The following CYTH1 variants were observed in gnomAD, a reference collection of about 807,000 sequenced individuals.
CYTH1 encodes cytohesin-1.
CYTH1 carries 18 observed loss-of-function variants against 61.8 expected under a neutral mutation model. The ratio of observed to expected loss-of-function variants is 0.29; its 90% CI spans 0.20 to 0.43. The LOEUF (loss-of-function observed/expected upper bound fraction) is 0.43, where lower values mean the gene tolerates loss of function less well. Among genes scored for constraint, CYTH1 ranks in the 20% least tolerant of loss-of-function variants. The pLI is 1.00. For synonymous variants in CYTH1, 174 were observed against 184.3 expected (o/e 0.94, Z 0.45); for missense variants, 336 against 510.5 (o/e 0.66, Z 3.29).
intron 10 of CYTH1, among the ~76,000 whole-genome samples, chr17:78,693,977 G>A (rs776153203): frequency 3.9e-5 from 6 of 152,158 alleles, no homozygotes; most frequent in Non-Finnish European, 8.8e-5. Context: ...TCATACCTCC[G>A]ATCATGCTTT....
chr17:78,711,304 T>TAAATAAATA (rs1567852045), intron 1 of CYTH1, among the ~76,000 whole-genome samples: 44 of 54,788 alleles, frequency 8.0e-4, no homozygotes, highest in African/African-American at 1.8e-3. Flanking sequence ...AAATAAATAA[T>TAAATAAATA]ATATATATAT....
At chr17:78,727,312 G>GT (rs200526024) in intron 1 of CYTH1, among the ~76,000 whole-genome samples, 3,230 of 152,042 alleles carry the variant, frequency 0.021, 68 homozygotes, top group Middle Eastern at 0.044. Flanking sequence ...GAGGCCTGGG[G>GT]TTTTTTTTAC....
intron 1 of CYTH1, among the ~76,000 whole-genome samples, chr17:78,760,267 G>A: frequency 6.7e-6 from 1 of 149,168 alleles, no homozygotes; most frequent in East Asian, 2.0e-4. Context: ...TACAAATTTA[G>A]ACATATAAAG....
At chr17:78,716,484 C>T (rs2093181814) in intron 1 of CYTH1, among the ~76,000 whole-genome samples, 1 of 152,146 alleles carries the variant, frequency 6.6e-6, no homozygotes, top group Non-Finnish European at 1.5e-5. Flanking sequence ...TTATTTTGAT[C>T]CAATCTCCTG....
chr17:78,732,813 G>T (rs1407702732), intron 1 of CYTH1, among the ~76,000 whole-genome samples: 1 of 151,982 alleles, frequency 6.6e-6, no homozygotes, highest in African/African-American at 2.4e-5. Flanking sequence ...TAACCACCGG[G>T]CGCGGTGGCT....
In CYTH1 at chr17:78,760,409, GTATA is replaced by G. The variant is rs1237676249; in HGVS notation, c.22+21789_22+21792del. Among the ~76,000 whole-genome samples, 42 of 39,262 alleles carry G rather than the reference GTATA, an allele frequency of 1.1e-3. 2 individuals carry two copies. The highest frequency in any genetic ancestry group is 5.0e-3 in the South Asian group (6 of 1,192). 25.8% of individuals were successfully genotyped at this position (39,262 alleles called of 152,430 possible). On this transcript the variant is annotated intron_variant, in intron 1 of 13. Transcript: ENST00000446868. Reference sequence around the variant, plus strand: ...TACACACACATACATATATATATGTGTATATATATATATATACACATACATATAT... The same window carrying G: ...TACACACACATACATATATATATGTGTATATATATATACACATACATATAT...
intron 3 of CYTH1, among the ~76,000 whole-genome samples, chr17:78,706,775 C>A (rs1017404262): frequency 6.6e-6 from 1 of 152,088 alleles, no homozygotes; most frequent in Non-Finnish European, 1.5e-5. Context: ...TGTGAAGTAC[C>A]GTTTCATGGT....
chr17:78,776,420 G>C (rs1447149687), intron 1 of CYTH1, among the ~76,000 whole-genome samples: 1 of 152,008 alleles, frequency 6.6e-6, no homozygotes, highest in Non-Finnish European at 1.5e-5. Context: ...ACTTTGGGAG[G>C]CTGAGGCGGG....
At position 78,756,825 on chromosome 17, in the gene CYTH1, T is replaced by TA. The variant is rs148235103; in HGVS notation, c.22+25376dup. ...CTCGGTGACAGAGCAAGATCTCATT[T>TA]AAAAAAAAAAAAGCCTTCATAATCA... On this transcript the variant is annotated intron_variant, in intron 1 of 13. Transcript: ENST00000446868. Among the ~76,000 whole-genome samples the TA allele has an allele frequency of 3.5e-3, 498 of 140,828 alleles. 1 individual carries two copies. The highest frequency in any genetic ancestry group is 6.3e-3 in the Non-Finnish European group (404 of 64,100). 92.4% of individuals were successfully genotyped at this position (140,828 alleles called of 152,430 possible).
At chr17:78,761,503 C>A in intron 1 of CYTH1, among the ~76,000 whole-genome samples, 1 of 152,172 alleles carries the variant, frequency 6.6e-6, no homozygotes, top group Non-Finnish European at 1.5e-5. Context: ...CTTTGGGAGG[C>A]CGAGGCGGGC....
intron 1 of CYTH1, among the ~76,000 whole-genome samples, chr17:78,744,942 G>C (rs1201561656): frequency 6.6e-6 from 1 of 151,358 alleles, no homozygotes; most frequent in Non-Finnish European, 1.5e-5. Flanking sequence ...AGTAACTCTT[G>C]CAAGAAAAAA....
chr17:78,720,982 G>C lies in CYTH1; in HGVS notation c.23-11250C>G, dbSNP rs535864620. 2.2e-4 allele frequency among the ~76,000 whole-genome samples: 34 copies of C among 152,334 alleles called. No homozygotes were observed. The East Asian group carries it at 6.2e-3, about 28-fold the overall frequency. ...GAAACTATGATTTGACTTTTGCGTA[G>C]TGCATTTTAAAATAAGTATCTCACC... is the stretch of plus-strand genomic sequence containing the variant. On this transcript the variant is annotated intron_variant, in intron 1 of 13. Coordinates refer to ENST00000446868, the MANE Select transcript of CYTH1 (RefSeq NM_004762.6).
Position 78,717,558 on chromosome 17 carries a change from G to A in CYTH1, c.23-7826C>T, listed in dbSNP as rs1217735912. Among the ~76,000 whole-genome samples the A allele has an allele frequency of 6.6e-6, 1 of 152,160 alleles. No individual in the cohort carries two copies. The highest frequency in any genetic ancestry group is 1.5e-5 in the Non-Finnish European group (1 of 68,020). ...AAACCCAGAGCTGAAATGGGTTCCA[G>A]CCAGTGGCATACAAAGGAGGACTGT... On this transcript the variant is annotated intron_variant, in intron 1 of 13. Coordinates refer to ENST00000446868, the MANE Select transcript of CYTH1 (RefSeq NM_004762.6). The surrounding 1 kb of genome is among the most constrained non-coding windows in gnomAD (Gnocchi z 4.4).
Position 78,727,378 on chromosome 17 carries a change from T to C in CYTH1, c.23-17646A>G, listed in dbSNP as rs1306478075. On this transcript the variant is annotated intron_variant, in intron 1 of 13. Transcript: ENST00000446868. The stretch of plus-strand genomic sequence containing the variant: ...CACTTAAAAATGCCTCATTATTCTT[T>C]AGTAAATGCTAGGAGCATAAAATCT... 5.3e-5 allele frequency among the ~76,000 whole-genome samples: 8 copies of C among 152,344 alleles called. 1 individual carries two copies. The highest frequency in any genetic ancestry group is 3.3e-4 in the Admixed American group (5 of 15,304).
intron 1 of CYTH1, among the ~76,000 whole-genome samples, chr17:78,745,624 T>G (rs1454221341): frequency 6.6e-6 from 1 of 152,236 alleles, no homozygotes; most frequent in African/African-American, 2.4e-5. Flanking sequence ...CTGGGCGCAG[T>G]GGCTCACCCC....
Position 78,774,862 on chromosome 17 carries a change from A to C in CYTH1, c.22+7340T>G, listed in dbSNP as rs147760444. ...GTTCCCAAATCTTGAGTAGACACTC[A>C]AGATTATGCCTGTGAGAAAACTCCT... On this transcript the variant is annotated intron_variant, in intron 1 of 13. Transcript: ENST00000446868. Among the ~76,000 whole-genome samples the C allele has an allele frequency of 2.7e-3, 414 of 152,328 alleles. 4 individuals carry two copies. The highest frequency in any genetic ancestry group is 9.5e-3 in the African/African-American group (394 of 41,564).
Position 78,731,631 on chromosome 17 carries a change from G to A in CYTH1, c.23-21899C>T, listed in dbSNP as rs577082227. ...AAAATAGCCGGGAGTGGTGGCGGGC[G>A]CCTGTAGTCCCAGCTACTTGGGAGG... On this transcript the variant is annotated intron_variant, in intron 1 of 13. Transcript: ENST00000446868. 5.3e-5 allele frequency among the ~76,000 whole-genome samples: 8 copies of A among 151,832 alleles called. No homozygotes were observed. In the East Asian group the frequency reaches 1.4e-3, roughly 26 times the overall value.
intron 10 of CYTH1, among the ~76,000 whole-genome samples, chr17:78,695,236 C>T (rs970792133): frequency 1.3e-5 from 2 of 152,130 alleles, no homozygotes; most frequent in African/African-American, 2.4e-5. Context: ...ACCAGGAGAC[C>T]GATTCGGGGC....
At position 78,688,051 on chromosome 17, in the gene CYTH1, T is replaced by C. The variant is rs564647226; in HGVS notation, c.891+4366A>G. On this transcript the variant is annotated intron_variant, in intron 11 of 13. Coordinates refer to ENST00000446868, the MANE Select transcript of CYTH1 (RefSeq NM_004762.6). ...AATGTGGTTGGTAATTTCAATCGCA[T>C]CCTGCATAAATGTTGTTAAGTTCAG... Among the ~76,000 whole-genome samples, 62 of 152,330 alleles carry C rather than the reference T, an allele frequency of 4.1e-4. 1 individual carries two copies. Among genetic ancestry groups the C allele is most frequent in the African/African-American group, 1.4e-3 (59 of 41,578 alleles).
Sources: allele counts gnomAD v4.1 joint callset (sites outside exome capture counted in the v4.1 genomes callset), GRCh38; gene constraint gnomAD v4.1.1; non-coding constraint Gnocchi (gnomAD v3.1); transcripts MANE v1.5; gene names NCBI Gene and HGNC (gene_info 2026-07-23, HGNC 2026-07-21).